TBC1D12: variants seen among roughly 807,000 people sequenced by gnomAD.
TBC1D12 encodes the protein TBC1 domain family, member 12.
Under a neutral mutation model 86.7 loss-of-function variants are expected in TBC1D12, and 56 were observed. That is an observed-to-expected ratio of 0.65 (90% CI 0.52 to 0.81). TBC1D12 has a LOEUF of 0.81. TBC1D12 is among the 30% of genes least tolerant of loss of function. The probability of loss-of-function intolerance (pLI) is 0.00; values close to 1 mark genes in which losing one functional copy is unlikely to be tolerated. For synonymous variants in TBC1D12, 421 were observed against 411.7 expected, an observed-to-expected ratio of 1.02 and a Z score of -0.27; for missense variants, 1,023 against 1,038.8, an observed-to-expected ratio of 0.98 and a Z score of 0.21.
intron 11 of TBC1D12, among the ~76,000 whole-genome samples, chr10:94,523,764 A>G (rs1842215497): frequency 1.3e-5 from 2 of 152,106 alleles, no homozygotes; most frequent in South Asian, 4.2e-4. Flanking sequence ...GGAGTTTGAG[A>G]CCAGCCTGGG....
chr10:94,521,847 T>C lies in TBC1D12; in HGVS notation c.1762-108T>C, dbSNP rs906511413. On this transcript the variant is annotated intron_variant, in intron 9 of 12. Transcript: ENST00000225235. Reference sequence around the variant, plus strand: ...CTGGGAAGGAAAAAAGAAATCTTGGTTAATTCTACTTTGTAATGTCACTGT... The same window carrying C: ...CTGGGAAGGAAAAAAGAAATCTTGGCTAATTCTACTTTGTAATGTCACTGT... 4.1e-5 allele frequency: 41 copies of C among 1,009,246 alleles called. No homozygotes were observed. The African/African-American group carries it at 6.5e-4, about 16-fold the overall frequency. The allele number at this position is 1,009,246 out of a possible 1,614,324, so 62.5% of individuals were successfully genotyped here.
chr10:94,511,433 A>G, intron 8 of TBC1D12, 150 bp from the exon 9 acceptor site: 1 of 617,286 alleles, frequency 1.6e-6, no homozygotes. Flanking sequence ...AATTTGGAAA[A>G]CATCTTGGCA....
chr10:94,501,133 T>C (rs2134189687), intron 6 of TBC1D12, among the ~76,000 whole-genome samples: 2 of 150,864 alleles, frequency 1.3e-5, no homozygotes, highest in South Asian at 4.2e-4. Context: ...TTTTAAAGTT[T>C]ATAACTTGAT....
chr10:94,446,775 G>T (rs2055468173), intron 2 of TBC1D12, among the ~76,000 whole-genome samples: 1 of 152,042 alleles, frequency 6.6e-6, no homozygotes, highest in Non-Finnish European at 1.5e-5. Context: ...AAGTAAAGAA[G>T]AAAAGATTTA....
chr10:94,420,998 GA>G (rs2055066083), intron 1 of TBC1D12, among the ~76,000 whole-genome samples: 1 of 152,096 alleles, frequency 6.6e-6, no homozygotes, highest in African/African-American at 2.4e-5. Context: ...TTTGTCCTGA[GA>G]ACATTAGAAA....
At chr10:94,457,191 A>C (rs2055640622) in intron 2 of TBC1D12, among the ~76,000 whole-genome samples, 1 of 152,078 alleles carries the variant, frequency 6.6e-6, no homozygotes, top group Non-Finnish European at 1.5e-5. Context: ...GCACCTATCA[A>C]CCTGTCATTT....
Position 94,532,845 on chromosome 10 carries a change from A to T in TBC1D12, c.2260-183A>T, listed in dbSNP as rs555374277. On this transcript the variant is annotated intron_variant, in intron 12 of 12. Transcript: ENST00000225235. The stretch of plus-strand genomic sequence containing the variant: ...TTTCAGAATAGTTGGCAATTGGTAA[A>T]AATTGGAATCTAATCATATTTCATG... 7.2e-5 allele frequency among the ~76,000 whole-genome samples: 11 copies of T among 152,286 alleles called. No homozygotes were observed. The East Asian group carries it at 9.6e-4, about 13-fold the overall frequency.
chr10:94,492,953 A>C (rs1459250525), intron 3 of TBC1D12, among the ~76,000 whole-genome samples: 1 of 152,164 alleles, frequency 6.6e-6, no homozygotes, highest in Non-Finnish European at 1.5e-5. Context: ...ATAACCTAAA[A>C]ATATTGACTG....
chr10:94,452,506 C>G (rs560589042), intron 2 of TBC1D12, among the ~76,000 whole-genome samples: 1 of 152,126 alleles, frequency 6.6e-6, no homozygotes, highest in Non-Finnish European at 1.5e-5. Flanking sequence ...TTTGCCTTTT[C>G]CAGACTATTA....
At chr10:94,463,683 A>G (rs1454927040) in intron 2 of TBC1D12, among the ~76,000 whole-genome samples, 1 of 152,198 alleles carries the variant, frequency 6.6e-6, no homozygotes, top group African/African-American at 2.4e-5. Flanking sequence ...AGTTTTTTTC[A>G]ATTTATTGAG....
At chr10:94,412,167 GATAATA>G (rs2054936764) in intron 1 of TBC1D12, among the ~76,000 whole-genome samples, 1 of 152,154 alleles carries the variant, frequency 6.6e-6, no homozygotes, top group African/African-American at 2.4e-5. Context: ...ATAAAATGGG[GATAATA>G]ATAATGCCTA....
intron 1 of TBC1D12, among the ~76,000 whole-genome samples, chr10:94,431,626 C>G (rs1455316064): frequency 6.6e-6 from 1 of 152,146 alleles, no homozygotes; most frequent in Non-Finnish European, 1.5e-5. Flanking sequence ...TGTCTTAATA[C>G]AGATACATTG....
At chr10:94,485,884 T>C (rs80201850) in intron 3 of TBC1D12, among the ~76,000 whole-genome samples, 4,491 of 152,214 alleles carry the variant, frequency 0.03, 102 homozygotes, top group South Asian at 0.044. Flanking sequence ...TCTCTAGATT[T>C]TCCAATTTAT....
rs899501639 is a variant in TBC1D12 at position 94,493,300 on chromosome 10, T to A, written c.1212-65T>A. 4.7e-6 allele frequency: 6 copies of A among 1,280,592 alleles called. No individual in the cohort carries two copies. In the African/African-American group the frequency reaches 8.9e-5, roughly 19 times the overall value. 79.3% of individuals were successfully genotyped at this position (1,280,592 alleles called of 1,614,324 possible). ...CTTTGCATCTGGGTGTAAAAACAAA[T>A]AAGTTAGTAAGTTGAAAGTTAATCT... On this transcript the variant is annotated intron_variant, in intron 3 of 12. Coordinates refer to ENST00000225235, the MANE Select transcript of TBC1D12 (RefSeq NM_015188.2).
chr10:94,403,271 G>C lies in TBC1D12; in HGVS notation c.658G>C (p.Gly220Arg). ...QEPEGAGSDS[G>R]DSPASSCSSS... is the part of the protein sequence containing the mutation. ...GCCCGAGGGCGCGGGCAGCGACTCG[G>C]GGGACAGCCCCGCCAGCAGCTGCAG... Residue 220 changes from glycine to arginine, a missense_variant, in exon 1 of 13, where the codon GGG (glycine) becomes CGG (arginine). By Grantham distance (125) the Gly-to-Arg change is moderately radical (BLOSUM62 -2). Transcript: ENST00000225235. 1 of 1,503,200 alleles carries C rather than the reference G, an allele frequency of 6.7e-7. No homozygotes were observed. The highest frequency in any genetic ancestry group is 1.5e-5 in the African/African-American group (1 of 68,672). 93.1% of individuals were successfully genotyped at this position (1,503,200 alleles called of 1,614,324 possible).
intron 11 of TBC1D12, among the ~76,000 whole-genome samples, chr10:94,526,895 T>C (rs1023498842): frequency 1.3e-5 from 2 of 152,216 alleles, no homozygotes; most frequent in Non-Finnish European, 2.9e-5. Context: ...CCAGCATTTG[T>C]TATTTTTTGT....
intron 2 of TBC1D12, among the ~76,000 whole-genome samples, chr10:94,453,980 G>A (rs1003567034): frequency 6.6e-6 from 1 of 152,132 alleles, no homozygotes; most frequent in African/African-American, 2.4e-5. Context: ...CTATTTGTCT[G>A]TTCTTTCACC....
chr10:94,441,292 T>G lies in TBC1D12; in HGVS notation c.972-604T>G, dbSNP rs553850278. Among the ~76,000 whole-genome samples, 3 of 152,054 alleles carry G rather than the reference T, an allele frequency of 2.0e-5. No individual in the cohort carries two copies. In the South Asian group the frequency reaches 6.2e-4, roughly 32 times the overall value. On this transcript the variant is annotated intron_variant, in intron 1 of 12. Transcript: ENST00000225235. ...GTATATATATTATAGCAATAGGGGA[T>G]TAGTAGATATAATTTTATTATAAAT...
At chr10:94,436,711 A>T (rs143251952) in intron 1 of TBC1D12, among the ~76,000 whole-genome samples, 1 of 151,730 alleles carries the variant, frequency 6.6e-6, no homozygotes, top group African/African-American at 2.4e-5. Context: ...TCTTGCTATT[A>T]TATCTCTTTA....
Sources: allele counts gnomAD v4.1 joint callset (sites outside exome capture counted in the v4.1 genomes callset), GRCh38; gene constraint gnomAD v4.1.1; transcripts MANE v1.5; gene names NCBI Gene and HGNC (gene_info 2026-07-23, HGNC 2026-07-21).